Variants in PIN1 observed in about 807,000 individuals in gnomAD.
The protein encoded by PIN1 is peptidyl-prolyl cis-trans isomerase NIMA-interacting 1.
A neutral mutation model predicts 19.9 loss-of-function variants in PIN1; 8 were observed. That is an observed-to-expected ratio of 0.40 (90% CI 0.24 to 0.72). PIN1 has a LOEUF of 0.72. PIN1 is among the 30% of genes least tolerant of loss of function. PIN1 has a pLI of 0.37. For synonymous variants in PIN1, 86 were observed against 90.8 expected, an observed-to-expected ratio of 0.95 and a Z score of 0.30; for missense variants, 185 against 226.5, an observed-to-expected ratio of 0.82 and a Z score of 1.18.
chr19:9,839,662 G>A (rs1158095330), intron 2 of PIN1, among the ~76,000 whole-genome samples: 1 of 152,174 alleles, frequency 6.6e-6, no homozygotes, highest in Non-Finnish European at 1.5e-5. Context: ...ATGGCTGTGT[G>A]CCAAGAAAAC....
intron 2 of PIN1, among the ~76,000 whole-genome samples, chr19:9,839,830 G>A (rs570837365): frequency 7.2e-5 from 11 of 151,930 alleles, no homozygotes; most frequent in Non-Finnish European, 1.3e-4. Context: ...GCAAAACCCC[G>A]TCTCTAAAAA....
rs771519886 is a variant in PIN1, at chr19:9,849,290, C to T, written c.*91C>T. ...CCCGCCAGCCAGTGGCCGAACCCCC[C>T]ACTCCCTGCCACCGTCACACAGTAT... On this transcript the variant is annotated 3_prime_UTR_variant, in exon 4 of 4. Transcript: ENST00000247970. 26 of 794,854 alleles carry T rather than the reference C, an allele frequency of 3.3e-5. No homozygotes were observed. Among genetic ancestry groups the T allele is most frequent in the South Asian group, 2.0e-4 (14 of 70,124 alleles). 49.2% of individuals were successfully genotyped at this position (794,854 alleles called of 1,614,324 possible).
rs1350973123 is a variant in PIN1, at chr19:9,849,614, C to T, written c.*415C>T. On this transcript the variant is annotated 3_prime_UTR_variant, in exon 4 of 4. Coordinates refer to ENST00000247970, the MANE Select transcript of PIN1 (RefSeq NM_006221.4). Reference sequence around the variant, plus strand: ...TCAGTCGCAAAGGTGAACACTCATGCGGCCCAGCCATGGGCCCTCTGAGCA... The same window carrying T: ...TCAGTCGCAAAGGTGAACACTCATGTGGCCCAGCCATGGGCCCTCTGAGCA... The T allele has an allele frequency of 1.3e-5, 7 of 530,918 alleles. No homozygotes were observed. The highest frequency in any genetic ancestry group is 2.2e-5 in the Non-Finnish European group (6 of 268,652). The allele number at this position is 530,918 out of a possible 1,614,324, so 32.9% of individuals were successfully genotyped here.
chr19:9,843,584 A>G (rs993645767), intron 2 of PIN1, among the ~76,000 whole-genome samples: 9 of 152,224 alleles, frequency 5.9e-5, no homozygotes, highest in African/African-American at 1.7e-4. Context: ...CACTTTCCAC[A>G]GTTCTGGAGG....
At chr19:9,835,715 C>G in intron 1 of PIN1, 1 of 398,590 alleles carries the variant, frequency 2.5e-6, no homozygotes, top group Non-Finnish European at 4.4e-6. Context: ...CGGGGGACGT[C>G]TCTGCACCTT....
chr19:9,841,178 A>G (rs753266476), intron 2 of PIN1, among the ~76,000 whole-genome samples: 1 of 152,204 alleles, frequency 6.6e-6, no homozygotes, highest in African/African-American at 2.4e-5. Flanking sequence ...CACCCCCAAC[A>G]TGGCATCTAG....
intron 2 of PIN1, among the ~76,000 whole-genome samples, chr19:9,839,547 G>C (rs1045135134): frequency 1.3e-5 from 2 of 152,208 alleles, no homozygotes; most frequent in South Asian, 4.1e-4. Context: ...AAACTTTAAA[G>C]GCCAGATGGT....
At chr19:9,844,300 C>T (rs983708468) in intron 2 of PIN1, among the ~76,000 whole-genome samples, 4 of 152,182 alleles carry the variant, frequency 2.6e-5, no homozygotes, top group Non-Finnish European at 4.4e-5. Context: ...CAGGCTCCAA[C>T]GTGGGAGCAG....
At chr19:9,842,346 G>C (rs954579562) in intron 2 of PIN1, among the ~76,000 whole-genome samples, 1 of 152,214 alleles carries the variant, frequency 6.6e-6, no homozygotes, top group South Asian at 2.1e-4. Context: ...AGTGCCAGCT[G>C]TGTGGTCTTC....
chr19:9,839,031 A>G (rs2046140122), intron 2 of PIN1, among the ~76,000 whole-genome samples: 1 of 152,160 alleles, frequency 6.6e-6, no homozygotes. Context: ...AAGGCAATGG[A>G]TTTTGCACAG....
At chr19:9,844,811 G>A (rs139039002) in intron 2 of PIN1, among the ~76,000 whole-genome samples, 450 of 152,338 alleles carry the variant, frequency 3.0e-3, no homozygotes, top group Middle Eastern at 6.8e-3. Context: ...TTCGAGCCCC[G>A]TGGTAGATCC....
chr19:9,844,674 A>C (rs2046201828), intron 2 of PIN1, among the ~76,000 whole-genome samples: 1 of 152,116 alleles, frequency 6.6e-6, no homozygotes, highest in Admixed American at 6.5e-5. Context: ...GTCCCCATCA[A>C]ATTTCACAGG....
In PIN1 at chr19:9,846,851, T is replaced by G. The variant is rs2046224833; in HGVS notation, c.272-1179T>G. On this transcript the variant is annotated intron_variant, in intron 2 of 3. Coordinates refer to ENST00000247970, the MANE Select transcript of PIN1 (RefSeq NM_006221.4). The surrounding 1 kb of genome is among the most constrained non-coding windows in gnomAD (Gnocchi z 5.9). ...ACATTAAGAAACCCCCTACTGAGTG[T>G]GTCAGGGTGACCTTCACGTTGGAGA... Among the ~76,000 whole-genome samples the G allele has an allele frequency of 6.6e-6, 1 of 152,116 alleles. No homozygotes were observed. The highest frequency in any genetic ancestry group is 2.4e-5 in the African/African-American group (1 of 41,438).
At chr19:9,840,797 A>C (rs2046158376) in intron 2 of PIN1, among the ~76,000 whole-genome samples, 1 of 151,978 alleles carries the variant, frequency 6.6e-6, no homozygotes, top group Non-Finnish European at 1.5e-5. Flanking sequence ...GGACTTCACC[A>C]TGTTGCCTAG....
Position 9,849,072 on chromosome 19 carries a change from G to A in PIN1, c.383-18G>A, listed in dbSNP as rs375716976. 3.6e-5 allele frequency: 56 copies of A among 1,575,952 alleles called. No homozygotes were observed. Among genetic ancestry groups the A allele is most frequent in the East Asian group, 2.5e-4 (11 of 44,610 alleles). The stretch of plus-strand genomic sequence containing the variant: ...CCAGCCCAGCCCTGACACCCCCACC[G>A]CCCCTCCTGGCTCCCAGGTCAGATG... On this transcript the variant is annotated intron_variant, in intron 3 of 3. Coordinates refer to ENST00000247970, the MANE Select transcript of PIN1 (RefSeq NM_006221.4).
chr19:9,843,056 C>T (rs1177422500), intron 2 of PIN1, among the ~76,000 whole-genome samples: 2 of 152,260 alleles, frequency 1.3e-5, no homozygotes, highest in African/African-American at 2.4e-5. Flanking sequence ...CCAAGGGAGT[C>T]ATTGCCAGTG....
intron 2 of PIN1, among the ~76,000 whole-genome samples, chr19:9,839,815 A>G (rs2046146615): frequency 6.6e-6 from 1 of 152,172 alleles, no homozygotes; most frequent in African/African-American, 2.4e-5. Flanking sequence ...AGCTTGGGCA[A>G]CATAGCAAAA....
chr19:9,835,402 G>C lies in PIN1; in HGVS notation c.58G>C (p.Gly20Arg). 1 of 1,509,506 alleles carries C rather than the reference G, an allele frequency of 6.6e-7. No individual in the cohort carries two copies. The highest frequency in any genetic ancestry group is 8.8e-7 in the Non-Finnish European group (1 of 1,136,076). 93.5% of individuals were successfully genotyped at this position (1,509,506 alleles called of 1,614,324 possible). The change falls in exon 1 of 4, where the codon GGC becomes CGC. Residue 20 changes from glycine to arginine, a missense_variant and splice_region_variant. By Grantham distance (125) the Gly-to-Arg change is moderately radical. Coordinates refer to ENST00000247970, the MANE Select transcript of PIN1 (RefSeq NM_006221.4). ...GGAGAAGCGCATGAGCCGCAGCTCA[G>C]GTGCCGCGGGGGTCGGGGCTGGGGC... ...GWEKRMSRSS[G>R]RVYYFNHITN...
intron 2 of PIN1, among the ~76,000 whole-genome samples, chr19:9,843,966 C>G (rs998958449): frequency 2.0e-5 from 3 of 152,126 alleles, no homozygotes; most frequent in Non-Finnish European, 2.9e-5. Context: ...AGGAGGATCG[C>G]TGGAACCTGG....
Sources: allele counts gnomAD v4.1 joint callset (sites outside exome capture counted in the v4.1 genomes callset), GRCh38; gene constraint gnomAD v4.1.1; non-coding constraint Gnocchi (gnomAD v3.1); transcripts MANE v1.5; gene names NCBI Gene and HGNC (gene_info 2026-07-23, HGNC 2026-07-21).